Variants in PLSCR2 observed in about 807,000 individuals in gnomAD.
PLSCR2 encodes the protein PL scramblase 2.
A neutral mutation model predicts 25.3 loss-of-function variants in PLSCR2; 18 were observed. The observed-to-expected ratio is 0.71, with a 90% CI of 0.49 to 1.06. The LOEUF (loss-of-function observed/expected upper bound fraction) is 1.06, where lower values mean the gene tolerates loss of function less well. Among genes scored for constraint, PLSCR2 ranks in the 50% least tolerant of loss-of-function variants. PLSCR2 has a pLI of 0.00. For synonymous variants in PLSCR2, 88 were observed against 87.3 expected, an observed-to-expected ratio of 1.01 and a Z score of -0.04; for missense variants, 243 against 269.5, an observed-to-expected ratio of 0.90 and a Z score of 0.69.
chr3:146,410,436 T>C (rs2038806556), intron 2 of PLSCR2, among the ~76,000 whole-genome samples: 4 of 152,190 alleles, frequency 2.6e-5, no homozygotes. Flanking sequence ...ATGTGGGGTA[T>C]GACAATCTAA....
In PLSCR2 at chr3:146,478,565, A is replaced by T. The variant is rs184669670; in HGVS notation, c.-293+17330T>A. On this transcript the variant is annotated intron_variant, in intron 1 of 8. Transcript: ENST00000336685. ...AGAAAAAAGAGTAAAAAGAAACTAA[A>T]AAAAGCCTCCAAGAAATATGGAGCT... is the stretch of plus-strand genomic sequence containing the variant. 1.8e-4 allele frequency among the ~76,000 whole-genome samples: 27 copies of T among 152,332 alleles called. No homozygotes were observed. In the East Asian group the frequency reaches 4.0e-3, roughly 23 times the overall value.
intron 5 of PLSCR2, 48 bp from the exon 6 acceptor site, chr3:146,449,415 A>T: frequency 1.5e-6 from 2 of 1,356,806 alleles, no homozygotes; most frequent in Non-Finnish European, 2.0e-6. Context: ...GAAAACTTAT[A>T]GCAAAATTAC....
chr3:146,419,512 G>A (rs1523336), intron 2 of PLSCR2, among the ~76,000 whole-genome samples: 88,204 of 151,908 alleles, frequency 0.58, 25,985 homozygotes, highest in South Asian at 0.76. Context: ...TTAATTTCCT[G>A]TTGCTGCTAT....
At chr3:146,454,010 C>A in exon 5 of PLSCR2, 1 of 1,565,358 alleles carries the variant, frequency 6.4e-7, no homozygotes, top group Non-Finnish European at 8.6e-7. Context: ...ACCTCAAAAT[C>A]AACACCCGCA....
At chr3:146,416,012 G>A (rs1476817560) in intron 2 of PLSCR2, among the ~76,000 whole-genome samples, 4 of 151,924 alleles carry the variant, frequency 2.6e-5, no homozygotes, top group South Asian at 2.1e-4. Flanking sequence ...GTGCAGTGGC[G>A]CGATCTTGAC....
chr3:146,463,683 A>G (rs2041733304), upstream of PLSCR2, among the ~76,000 whole-genome samples: 1 of 152,030 alleles, frequency 6.6e-6, no homozygotes, highest in Non-Finnish European at 1.5e-5. Flanking sequence ...CGCTAATACA[A>G]ACTGCCCTCC....
intron 1 of PLSCR2, among the ~76,000 whole-genome samples, chr3:146,485,149 C>A (rs1350121085): frequency 6.6e-6 from 1 of 151,398 alleles, no homozygotes; most frequent in Non-Finnish European, 1.5e-5. Context: ...GGGTTGCAAT[C>A]CTTGTCTCTG....
downstream of PLSCR2, among the ~76,000 whole-genome samples, chr3:146,441,197 GC>G (rs2040222727): frequency 6.6e-6 from 1 of 151,948 alleles, no homozygotes; most frequent in African/African-American, 2.4e-5. Flanking sequence ...AAATACTCCA[GC>G]CTGGGTGACA....
At chr3:146,464,854 C>G (rs2041790285), upstream of PLSCR2, among the ~76,000 whole-genome samples, 1 of 152,154 alleles carries the variant, frequency 6.6e-6, no homozygotes, top group Admixed American at 6.5e-5. Flanking sequence ...GGAGAAATAG[C>G]ACAGAGGATT....
At chr3:146,421,643 G>C (rs1233107296) in intron 2 of PLSCR2, among the ~76,000 whole-genome samples, 2 of 151,996 alleles carry the variant, frequency 1.3e-5, no homozygotes. Context: ...GTCTAAGATG[G>C]GGAGATCCAA....
intron 3 of PLSCR2, among the ~76,000 whole-genome samples, chr3:146,394,005 T>C (rs1374948390): frequency 6.6e-6 from 1 of 152,078 alleles, no homozygotes; most frequent in Admixed American, 6.6e-5. Flanking sequence ...AAGTTAATAT[T>C]ACATGCATAC....
chr3:146,399,979 G>C (rs754478238), intron 2 of PLSCR2, among the ~76,000 whole-genome samples: 1 of 151,634 alleles, frequency 6.6e-6, no homozygotes, highest in Non-Finnish European at 1.5e-5. Flanking sequence ...CTAGCAAAAC[G>C]AAACAAAACC....
At chr3:146,462,722 C>T (rs1426930567), upstream of PLSCR2, among the ~76,000 whole-genome samples, 1 of 152,142 alleles carries the variant, frequency 6.6e-6, no homozygotes, top group African/African-American at 2.4e-5. Flanking sequence ...ACTGCGGCCT[C>T]CCAAAGTGCT....
chr3:146,391,494 A>G (rs143113598), exon 4 of PLSCR2: 1 of 152,768 alleles, frequency 6.5e-6, no homozygotes, highest in East Asian at 1.9e-4. Flanking sequence ...GGCAAAAATA[A>G]ATGCCAGTAA....
At chr3:146,478,345 T>G (rs2042997942) in intron 1 of PLSCR2, among the ~76,000 whole-genome samples, 2 of 152,070 alleles carry the variant, frequency 1.3e-5, no homozygotes, top group South Asian at 4.1e-4. Flanking sequence ...AAAACCTTGA[T>G]AAAATGTTAG....
At chr3:146,440,676 G>C (rs4681324), downstream of PLSCR2, among the ~76,000 whole-genome samples, 39,212 of 152,112 alleles carry the variant, frequency 0.26, 5,379 homozygotes, top group South Asian at 0.44. Flanking sequence ...GACTGCAGCT[G>C]TTCCTATTCG....
chr3:146,464,960 A>T (rs1560034579), upstream of PLSCR2, among the ~76,000 whole-genome samples: 1 of 152,180 alleles, frequency 6.6e-6, no homozygotes, highest in Non-Finnish European at 1.5e-5. Flanking sequence ...ACTAGGCTTC[A>T]ACAGATCAAA....
At chr3:146,401,305 T>C (rs1010631767) in intron 2 of PLSCR2, 12 of 152,638 alleles carry the variant, frequency 7.9e-5, no homozygotes, top group African/African-American at 2.2e-4. Flanking sequence ...TTAGACTTTA[T>C]CATACTGTCC....
At chr3:146,454,073 T>C (rs770588622) in exon 5 of PLSCR2, 61 of 1,610,886 alleles carry the variant, frequency 3.8e-5, no homozygotes, top group Non-Finnish European at 5.1e-5. Flanking sequence ...TCCTCTCTTT[T>C]CTGATTTTTA....
Sources: allele counts gnomAD v4.1 joint callset (sites outside exome capture counted in the v4.1 genomes callset), GRCh38; gene constraint gnomAD v4.1.1; transcripts MANE v1.5; gene names NCBI Gene and HGNC (gene_info 2026-07-23, HGNC 2026-07-21).